SASH1: variants seen among roughly 807,000 people sequenced by gnomAD.
SASH1 encodes the protein SAM and SH3 domain containing 1, also known as SAM and SH3 domain-containing protein 1.
In SASH1, 44 loss-of-function variants were observed where a neutral mutation model predicts 125.2. The ratio of observed to expected loss-of-function variants is 0.35; its 90% confidence interval spans 0.28 to 0.45. SASH1 has a LOEUF of 0.45. Among genes scored for constraint, SASH1 ranks in the 20% least tolerant of loss-of-function variants. The pLI, the probability that SASH1 is intolerant of heterozygous loss-of-function variation, is 1.00. For synonymous variants in SASH1, 639 were observed against 649.1 expected (o/e 0.98, Z 0.24); for missense variants, 1,426 against 1,614.5 (o/e 0.88, Z 2.00).
chr6:148,525,638 A>ATAAG (rs1345907855), intron 11 of SASH1, among the ~76,000 whole-genome samples: 1 of 152,172 alleles, frequency 6.6e-6, no homozygotes, highest in Non-Finnish European at 1.5e-5. Flanking sequence ...ACAAATCCAG[A>ATAAG]TAAGTCTGGC....
At chr6:148,339,560 A>G (rs1393803879), upstream of SASH1, among the ~76,000 whole-genome samples, 1 of 151,578 alleles carries the variant, frequency 6.6e-6, no homozygotes, top group Non-Finnish European at 1.5e-5. Context: ...AAATATCTAT[A>G]TAGATGTATT....
chr6:148,508,297 T>C (rs527563234), intron 8 of SASH1, among the ~76,000 whole-genome samples: 1 of 151,680 alleles, frequency 6.6e-6, no homozygotes, highest in East Asian at 1.9e-4. Flanking sequence ...CTATTTTCAA[T>C]TGAGACTGCT....
intron 6 of SASH1, 126 bp downstream of exon 6, chr6:148,471,629 A>G (rs1470919913): frequency 1.6e-6 from 1 of 632,822 alleles, no homozygotes; most frequent in Non-Finnish European, 2.8e-6. Context: ...AAGATGTTCA[A>G]CTTTTCTGAC....
intron 1 of SASH1, among the ~76,000 whole-genome samples, chr6:148,353,299 A>G (rs949405323): frequency 4.0e-5 from 6 of 151,238 alleles, no homozygotes; most frequent in African/African-American, 1.5e-4. Context: ...CTGATCTTGA[A>G]CTCTTGGCCT....
chr6:148,369,384 T>C (rs1273208457), intron 1 of SASH1, among the ~76,000 whole-genome samples: 1 of 152,194 alleles, frequency 6.6e-6, no homozygotes, highest in African/African-American at 2.4e-5. Flanking sequence ...AGGAAAGTTT[T>C]TTGAAGATAG....
the SASH1 span, among the ~76,000 whole-genome samples, chr6:148,212,426 T>A: frequency 6.6e-6 from 1 of 152,184 alleles, no homozygotes; most frequent in East Asian, 1.9e-4. Flanking sequence ...AACCAACAAT[T>A]GTTGACAAAA....
rs187527589 is a variant in SASH1 at position 148,508,450 on chromosome 6, A to C, written c.730-5874A>C. 3.4e-3 allele frequency: 3,361 copies of C among 998,288 alleles called. 5 individuals are homozygous for C. Among genetic ancestry groups the C allele is most frequent in the Non-Finnish European group, 3.8e-3 (3,184 of 836,744 alleles). The allele number at this position is 998,288 out of a possible 1,614,324, so 61.8% of individuals were successfully genotyped here. ...TTTTTCTGTCTCTGGAATTCCATAG[A>C]CAGTAATTAAGGAACTGGAGGCCAG... is the stretch of plus-strand genomic sequence containing the variant. On this transcript the variant is annotated intron_variant, in intron 8 of 19. Coordinates refer to ENST00000367467, the MANE Select transcript of SASH1 (RefSeq NM_015278.5).
chr6:148,525,742 C>T (rs1486552812), intron 11 of SASH1, among the ~76,000 whole-genome samples: 2 of 152,152 alleles, frequency 1.3e-5, no homozygotes, highest in Non-Finnish European at 2.9e-5. Context: ...GAAGTGGAGC[C>T]CTGTGATTTG....
At chr6:148,243,030 T>C in the SASH1 span, among the ~76,000 whole-genome samples, 3 of 152,178 alleles carry the variant, frequency 2.0e-5, no homozygotes, top group Non-Finnish European at 4.4e-5. Flanking sequence ...TAGAATTCCA[T>C]GTTGGGTAGG....
intron 12 of SASH1, among the ~76,000 whole-genome samples, chr6:148,531,031 A>G (rs765056960): frequency 5.9e-5 from 9 of 152,210 alleles, no homozygotes; most frequent in Non-Finnish European, 1.3e-4. Context: ...CAATGCCAAT[A>G]ATTTGTACAA....
chr6:148,545,246 C>T (rs997289480), intron 18 of SASH1, among the ~76,000 whole-genome samples: 1 of 151,986 alleles, frequency 6.6e-6, no homozygotes, highest in Non-Finnish European at 1.5e-5. Flanking sequence ...CTACCAATAC[C>T]AAGTGACTCC....
At position 148,440,467 on chromosome 6, in the gene SASH1, CT is replaced by C. The variant is rs1319847471; in HGVS notation, c.386+61del. The C allele has an allele frequency of 2.1e-6, 3 of 1,418,534 alleles. No homozygotes were observed. In the African/African-American group the frequency reaches 4.3e-5, roughly 20 times the overall value. 87.9% of individuals were successfully genotyped at this position (1,418,534 alleles called of 1,614,324 possible). A position where few individuals can be genotyped will look rare whatever the true frequency, so the allele number is the denominator to read the frequency against. On this transcript the variant is annotated intron_variant, in intron 4 of 19. Transcript: ENST00000367467. ...CAAGAAGGTGTCTTTTAGGTCCATG[CT>C]GACGGAAATCAAACAGGCGATCATG...
rs59521298 is a variant in SASH1 at position 148,305,623 on chromosome 6, CAAAAAAA to C, written n.74+33261_74+33267del. 6.7e-5 allele frequency among the ~76,000 whole-genome samples: 7 copies of C among 104,380 alleles called. No homozygotes were observed. The East Asian group carries it at 1.5e-3, about 22-fold the overall frequency. 68.5% of individuals were successfully genotyped at this position (104,380 alleles called of 152,430 possible). On this transcript the variant is annotated intron_variant and non_coding_transcript_variant, in intron 1 of 3. Transcript: ENST00000367469. Reference sequence around the variant, plus strand: ...TGGGCGACAGAGCGAGACTCTGACTCAAAAAAAAAAAAAAAAAAAAAGAAAGAAAGAA... The same window carrying C: ...TGGGCGACAGAGCGAGACTCTGACTCAAAAAAAAAAAAAAGAAAGAAAGAA...
intron 15 of SASH1, among the ~76,000 whole-genome samples, chr6:148,534,421 G>A (rs1431720449): frequency 6.6e-6 from 1 of 152,214 alleles, no homozygotes; most frequent in Non-Finnish European, 1.5e-5. Context: ...TAATAGCTCT[G>A]TAAGTGGAGG....
chr6:148,349,009 A>T (rs1562340298), intron 1 of SASH1, among the ~76,000 whole-genome samples: 1 of 152,034 alleles, frequency 6.6e-6, no homozygotes, highest in Non-Finnish European at 1.5e-5. Context: ...GCCCTGAGGG[A>T]TAAGTAGGAG....
intron 2 of SASH1, among the ~76,000 whole-genome samples, chr6:148,401,791 G>T (rs1421980796): frequency 6.6e-6 from 1 of 151,902 alleles, no homozygotes. Flanking sequence ...TGTGTGGGGG[G>T]GTGTATGTTT....
chr6:148,323,952 C>A (rs1780722613), intron 1 of SASH1, among the ~76,000 whole-genome samples: 1 of 151,834 alleles, frequency 6.6e-6, no homozygotes, highest in African/African-American at 2.4e-5. Flanking sequence ...TGACGAAACT[C>A]TGTCTCTACT....
chr6:148,338,009 A>G (rs371354138), upstream of SASH1, among the ~76,000 whole-genome samples: 73 of 122,820 alleles, frequency 5.9e-4, no homozygotes, highest in African/African-American at 1.8e-3. Context: ...CCTGATGGTA[A>G]GAGAAAAAGG....
intron 2 of SASH1, among the ~76,000 whole-genome samples, chr6:148,422,999 C>T (rs1009319504): frequency 2.0e-5 from 3 of 152,254 alleles, no homozygotes; most frequent in South Asian, 2.1e-4. Flanking sequence ...AGTGCAGTGG[C>T]GTGATCTCGG....
Sources: gnomAD v4.1 joint callset for allele counts (sites outside exome capture counted in the v4.1 genomes callset) on GRCh38, gnomAD v4.1.1 for gene constraint, MANE v1.5 for transcripts, NCBI Gene and HGNC (gene_info 2026-07-23, HGNC 2026-07-21) for gene names.